Variants in CNTN6 observed in about 807,000 individuals in gnomAD.
CNTN6 encodes contactin 6, also known as contactin-6.
Under a neutral mutation model 122.8 loss-of-function variants are expected in CNTN6, and 137 were observed. That is an observed-to-expected ratio of 1.12 (90% CI 0.97 to 1.29). The LOEUF (loss-of-function observed/expected upper bound fraction) is 1.29, where lower values mean the gene tolerates loss of function less well. Ranked by LOEUF, CNTN6 falls within the 50% of genes most tolerant of loss-of-function variation. The probability of loss-of-function intolerance (pLI) is 0.00; values close to 1 mark genes in which losing one functional copy is unlikely to be tolerated. For synonymous variants in CNTN6, 570 were observed against 426.0 expected (o/e 1.34, Z -4.16); for missense variants, 1,634 against 1,223.4 (o/e 1.34, Z -5.01).
intron 2 of CNTN6, among the ~76,000 whole-genome samples, chr3:1,154,124 C>A (rs997629722): frequency 6.6e-6 from 1 of 152,118 alleles, no homozygotes; most frequent in African/African-American, 2.4e-5. Flanking sequence ...GATTATCAAA[C>A]CTTCTTCCAA....
At chr3:1,188,771 C>T (rs1463963301) in intron 2 of CNTN6, among the ~76,000 whole-genome samples, 2 of 152,206 alleles carry the variant, frequency 1.3e-5, no homozygotes, top group Non-Finnish European at 2.9e-5. Context: ...AGCAGGTTTC[C>T]TCCCAAGCCT....
chr3:1,302,974 G>A (rs478986), intron 7 of CNTN6, among the ~76,000 whole-genome samples: 86 of 151,690 alleles, frequency 5.7e-4, no homozygotes, highest in Non-Finnish European at 9.7e-4. Flanking sequence ...CTCAGTTTGG[G>A]AGGTTCTATT....
intron 2 of CNTN6, among the ~76,000 whole-genome samples, chr3:1,207,239 C>G (rs2093970277): frequency 6.6e-6 from 1 of 151,986 alleles, no homozygotes; most frequent in South Asian, 2.1e-4. Flanking sequence ...AAAACCTATC[C>G]CTCCATTTCC....
At position 1,101,813 on chromosome 3, in the gene CNTN6, GT is replaced by G. The variant is rs372952206; in HGVS notation, c.-83+8696del. ...AAAAGCAAGCCAGTGGATGTTATTA[GT>G]TTATATATTCTTTGGGAGTGGCAGC... is the stretch of plus-strand genomic sequence containing the variant. On this transcript the variant is annotated intron_variant, in intron 1 of 22. Coordinates refer to ENST00000446702, the MANE Select transcript of CNTN6 (RefSeq NM_001289080.2). Among the ~76,000 whole-genome samples the G allele has an allele frequency of 2.2e-3, 337 of 152,282 alleles. 2 individuals are homozygous for G. The highest frequency in any genetic ancestry group is 7.8e-3 in the African/African-American group (326 of 41,554).
In CNTN6 at chr3:1,295,787, T is replaced by A; in HGVS notation, c.641T>A (p.Leu214Ter). ...AGTGTTCAAGGTCCACCCACTCCAT[T>A]AGTGCAGCGCACTGATGGTAAGATA... Reference protein sequence around the residue: ...QRSVQGPPTPLVQRTDGVMGE... With the variant: ...QRSVQGPPTP Residue 214 changes from leucine (L) to a stop codon, truncating the protein, a stop_gained, in exon 6 of 23, where the codon TTA becomes TAA. Coordinates refer to ENST00000446702, the MANE Select transcript of CNTN6 (RefSeq NM_001289080.2). LOFTEE classifies it high-confidence loss of function. 1 of 1,612,864 alleles carries A rather than the reference T, an allele frequency of 6.2e-7. No individual in the cohort carries two copies. The highest frequency in any genetic ancestry group is 8.5e-7 in the Non-Finnish European group (1 of 1,178,850).
intron 10 of CNTN6, among the ~76,000 whole-genome samples, chr3:1,329,108 TA>T (rs1701925842): frequency 6.6e-6 from 1 of 151,302 alleles, no homozygotes; most frequent in Admixed American, 6.6e-5. Context: ...TATACGTATA[TA>T]TGTATATGTG....
intron 2 of CNTN6, among the ~76,000 whole-genome samples, chr3:1,207,491 C>T (rs1404268577): frequency 1.3e-5 from 2 of 151,962 alleles, no homozygotes; most frequent in Non-Finnish European, 2.9e-5. Context: ...TTTTATTATC[C>T]ACTTTTCTTT....
chr3:1,280,380 CA>C (rs1218585837), intron 5 of CNTN6, among the ~76,000 whole-genome samples: 1 of 145,944 alleles, frequency 6.9e-6, no homozygotes, highest in Non-Finnish European at 1.5e-5. Flanking sequence ...CACACATTTA[CA>C]AAAACTGCCT....
rs1431712405 is a variant in CNTN6 at position 1,328,983 on chromosome 3, T to C, written c.1214-802T>C. Among the ~76,000 whole-genome samples the C allele has an allele frequency of 2.6e-5, 4 of 151,556 alleles. No homozygotes were observed. In the South Asian group the frequency reaches 8.3e-4, roughly 31 times the overall value. On this transcript the variant is annotated intron_variant, in intron 10 of 22. Coordinates refer to ENST00000446702, the MANE Select transcript of CNTN6 (RefSeq NM_001289080.2). ...TATTTCAATAGTATTTTATTGCTAA[T>C]AGCAATAAAATATTTCTGATTTATT...
chr3:1,120,775 A>G (rs1017862965), intron 1 of CNTN6, among the ~76,000 whole-genome samples: 3 of 151,854 alleles, frequency 2.0e-5, no homozygotes, highest in Non-Finnish European at 4.4e-5. Flanking sequence ...TTACTCTGTG[A>G]TCTATTTAAA....
intron 12 of CNTN6, among the ~76,000 whole-genome samples, chr3:1,370,203 C>T (rs1262985857): frequency 3.3e-5 from 5 of 151,606 alleles, no homozygotes; most frequent in African/African-American, 1.2e-4. Flanking sequence ...TTGGTTTCTC[C>T]TCCATCTCTC....
chr3:1,125,507 T>C (rs28531814), intron 1 of CNTN6, among the ~76,000 whole-genome samples: 8,314 of 151,792 alleles, frequency 0.055, 725 homozygotes, highest in African/African-American at 0.19. Flanking sequence ...CTGCACACAG[T>C]CAAATGCCAG....
intron 11 of CNTN6, among the ~76,000 whole-genome samples, chr3:1,330,263 T>C (rs927083996): frequency 2.0e-5 from 3 of 151,930 alleles, no homozygotes; most frequent in Non-Finnish European, 4.4e-5. Context: ...GCGAATAACA[T>C]TTCACAAAGG....
chr3:1,273,406 T>TACAGAG (rs1691733025), intron 4 of CNTN6, among the ~76,000 whole-genome samples: 1 of 152,188 alleles, frequency 6.6e-6, no homozygotes, highest in Non-Finnish European at 1.5e-5. Context: ...TCTAGAGTTT[T>TACAGAG]TAAAGGTCTT....
At chr3:1,383,255 C>G in intron 18 of CNTN6, 38 bp from the exon 19 acceptor site, 1 of 1,593,454 alleles carries the variant, frequency 6.3e-7, no homozygotes, top group Non-Finnish European at 8.6e-7. Context: ...CAATGAACCA[C>G]TCTGCTAAAG....
intron 2 of CNTN6, among the ~76,000 whole-genome samples, chr3:1,214,331 G>C (rs554789848): frequency 8.6e-5 from 7 of 81,794 alleles, no homozygotes; most frequent in African/African-American, 3.4e-4. Context: ...TTTTTGAGAC[G>C]GAGTTTTGCT....
intron 1 of CNTN6, among the ~76,000 whole-genome samples, chr3:1,115,553 G>A (rs943539050): frequency 6.6e-6 from 1 of 152,102 alleles, no homozygotes; most frequent in South Asian, 2.1e-4. Context: ...TTTGAGACCA[G>A]CCTGGCCAAT....
At chr3:1,286,634 A>G (rs964517400) in intron 5 of CNTN6, among the ~76,000 whole-genome samples, 64 of 152,180 alleles carry the variant, frequency 4.2e-4, no homozygotes, top group African/African-American at 1.4e-3. Flanking sequence ...TATCCAGTCT[A>G]TCATTGATGG....
intron 12 of CNTN6, among the ~76,000 whole-genome samples, chr3:1,362,519 A>G (rs904202825): frequency 6.6e-6 from 1 of 152,102 alleles, no homozygotes; most frequent in Admixed American, 6.6e-5. Context: ...CATTAAGAAC[A>G]GAATACATTG....
Sources: allele counts gnomAD v4.1 joint callset (sites outside exome capture counted in the v4.1 genomes callset), GRCh38; gene constraint gnomAD v4.1.1; transcripts MANE v1.5; gene names NCBI Gene and HGNC (gene_info 2026-07-23, HGNC 2026-07-21).